Variants in BRWD3 observed in about 807,000 individuals in gnomAD.
BRWD3 encodes bromodomain and WD repeat-containing protein 3.
In BRWD3, 10 loss-of-function variants were observed where a neutral mutation model predicts 149.7. The observed-to-expected ratio is 0.07, with a 90% confidence interval of 0.04 to 0.11. The LOEUF (loss-of-function observed/expected upper bound fraction) is 0.11. Ranked by LOEUF, BRWD3 falls within the 10% of genes least tolerant of loss-of-function variation. The pLI, the probability that BRWD3 is intolerant of heterozygous loss-of-function variation, is 1.00. For synonymous variants in BRWD3, 504 were observed against 456.7 expected, an observed-to-expected ratio of 1.10 and a Z score of -1.32; for missense variants, 940 against 1,373.2, an observed-to-expected ratio of 0.68 and a Z score of 4.99.
intron 6 of BRWD3, among the ~76,000 whole-genome samples, chrX:80,762,970 G>A (rs989914083): frequency 2.7e-5 from 3 of 110,149 alleles, no homozygotes; most frequent in African/African-American, 9.9e-5. Flanking sequence ...TTAGCCTGGC[G>A]ACTCTAAGGA....
In BRWD3 at chrX:80,772,168, C is replaced by T. The variant is rs149886217; in HGVS notation, c.430+19686G>A. On this transcript the variant is annotated intron_variant, in intron 6 of 40. Transcript: ENST00000373275. ...ATGCTACTATAAAGACACACGCACA[C>T]GTATGTTTATTGCGGCACTATTCAC... Among the ~76,000 whole-genome samples, 29 of 111,878 alleles carry T rather than the reference C, an allele frequency of 2.6e-4. No individual in the cohort carries two copies. The East Asian group carries it at 6.5e-3, about 25-fold the overall frequency.
At chrX:80,771,119 G>C (rs2073939021) in intron 6 of BRWD3, among the ~76,000 whole-genome samples, 1 of 111,455 alleles carries the variant, frequency 9.0e-6, no homozygotes, top group Non-Finnish European at 1.9e-5. Flanking sequence ...ACAAATGAAA[G>C]AACATTCCAT....
chrX:80,804,244 C>CT lies in BRWD3; in HGVS notation c.180+4294dup, dbSNP rs558904504. The stretch of plus-strand genomic sequence containing the variant: ...AACACATTTATAACTTTGGTTCAGT[C>CT]TTTTTTTTTTTTTTTGAGACAGAGT... On this transcript the variant is annotated intron_variant, in intron 4 of 40. Transcript: ENST00000373275. Among the ~76,000 whole-genome samples the CT allele has an allele frequency of 2.5e-3, 251 of 99,974 alleles. 2 individuals are homozygous for CT. In the East Asian group the frequency reaches 0.034, roughly 14 times the overall value. 86.8% of individuals were successfully genotyped at this position (99,974 alleles called of 115,157 possible). A position where few individuals can be genotyped will look rare whatever the true frequency, so the allele number is the denominator to read the frequency against.
rs202083349 is a variant in BRWD3 at position 80,733,437 on chromosome X, A to G, written c.1127+19T>C. 115 of 1,161,695 alleles carry G rather than the reference A, an allele frequency of 9.9e-5. No homozygotes were observed. Among genetic ancestry groups the G allele is most frequent in the Non-Finnish European group, 9.0e-5 (77 of 853,505 alleles). Reference sequence around the variant, plus strand: ...ATATATCAAACATTTGTTTACACAAATATGTATTACATAATTACCTGTCTC... The same window carrying G: ...ATATATCAAACATTTGTTTACACAAGTATGTATTACATAATTACCTGTCTC... On this transcript the variant is annotated intron_variant, in intron 12 of 40. Coordinates refer to ENST00000373275, the MANE Select transcript of BRWD3 (RefSeq NM_153252.5).
intron 6 of BRWD3, among the ~76,000 whole-genome samples, chrX:80,747,990 T>C (rs140516738): frequency 3.3e-3 from 372 of 111,333 alleles, no homozygotes; most frequent in African/African-American, 0.011. Context: ...CTGTGCTACA[T>C]TGAATATAAG....
intron 4 of BRWD3, among the ~76,000 whole-genome samples, chrX:80,797,148 C>A (rs911867839): frequency 8.9e-6 from 1 of 111,917 alleles, no homozygotes; most frequent in African/African-American, 3.2e-5. Flanking sequence ...TAATTAGTAC[C>A]CTTAAAATAT....
intron 16 of BRWD3, 108 bp from the exon 17 acceptor site, chrX:80,722,895 T>C (rs775196558): frequency 1.8e-4 from 124 of 681,073 alleles, no homozygotes; most frequent in Non-Finnish European, 2.7e-4. Context: ...ATCTTTTGCA[T>C]ACTCTTCTAG....
rs1450366431 is a variant in BRWD3, at chrX:80,671,332, C to CA, written c.*5276dup. 9.0e-6 allele frequency: 1 copy of CA among 111,443 alleles called. No individual in the cohort carries two copies. Among genetic ancestry groups the CA allele is most frequent in the East Asian group, 2.8e-4 (1 of 3,574 alleles). 9.2% of individuals were successfully genotyped at this position (111,443 alleles called of 1,213,427 possible). ...ATATTTGCAATGTCTAAGATGAAAA[C>CA]AAAAAACAAAACCTTTTCTTTGATA... On this transcript the variant is annotated 3_prime_UTR_variant, in exon 41 of 41. Transcript: ENST00000373275.
At chrX:80,753,195 T>C (rs1220421748) in intron 6 of BRWD3, among the ~76,000 whole-genome samples, 3 of 111,221 alleles carry the variant, frequency 2.7e-5, no homozygotes, top group African/African-American at 9.8e-5. Flanking sequence ...TCTTTTGTTG[T>C]GCATAAGCTT....
chrX:80,808,991 C>T lies in BRWD3; in HGVS notation c.120+22G>A, dbSNP rs375347676. Reference sequence around the variant, plus strand: ...CCAGTCTCACCTCAACCCTCCCCACCCTTCCCGAAGGGGCTCCGTACCTGA... The same window carrying T: ...CCAGTCTCACCTCAACCCTCCCCACTCTTCCCGAAGGGGCTCCGTACCTGA... On this transcript the variant is annotated intron_variant, in intron 3 of 40. Coordinates refer to ENST00000373275, the MANE Select transcript of BRWD3 (RefSeq NM_153252.5). 6.8e-5 allele frequency: 81 copies of T among 1,193,609 alleles called. No individual in the cohort carries two copies. In the African/African-American group the frequency reaches 1.1e-3, roughly 16 times the overall value.
intron 39 of BRWD3, 40 bp from the exon 40 acceptor site, chrX:80,681,539 T>A (rs1369458001): frequency 1.8e-5 from 20 of 1,103,733 alleles, no homozygotes; most frequent in Non-Finnish European, 2.1e-5. Flanking sequence ...ATAATTATCA[T>A]GTTTTCAGGA....
Position 80,689,809 on chromosome X carries a change from T to G in BRWD3, c.3766A>C (p.Lys1256Gln). 7 of 1,202,858 alleles carry G rather than the reference T, an allele frequency of 5.8e-6. No individual in the cohort carries two copies. The highest frequency in any genetic ancestry group is 1.7e-5 in the African/African-American group (1 of 57,698). The change falls in exon 33 of 41, where the codon AAA (lysine) becomes CAA (glutamine). Residue 1256 changes from lysine to glutamine, a missense_variant. Lys to Gln is a moderately conservative substitution (Grantham distance 53, BLOSUM62 1). Coordinates refer to ENST00000373275, the MANE Select transcript of BRWD3 (RefSeq NM_153252.5). ...SCTDILDTYNKIKAEERNSTD... is the reference protein window; with the variant it reads ...SCTDILDTYNQIKAEERNSTD... ...CTGTTTCGTTCTTCTGCTTTAATTT[T>G]ATTATAAGTATCCAGTATATCAGTA...
intron 6 of BRWD3, among the ~76,000 whole-genome samples, chrX:80,784,847 A>G: frequency 8.9e-6 from 1 of 111,876 alleles, no homozygotes; most frequent in Middle Eastern, 4.6e-3. Flanking sequence ...CAATAAACAT[A>G]TGTGTGCCTG....
intron 4 of BRWD3, among the ~76,000 whole-genome samples, chrX:80,803,931 G>A (rs1237185184): frequency 1.8e-5 from 2 of 112,394 alleles, no homozygotes; most frequent in African/African-American, 3.2e-5. Flanking sequence ...AAAGTACTTG[G>A]TGAGGATCAA....
chrX:80,759,116 T>C (rs986652071), intron 6 of BRWD3, among the ~76,000 whole-genome samples: 4 of 111,848 alleles, frequency 3.6e-5, no homozygotes, highest in Non-Finnish European at 7.5e-5. Flanking sequence ...AAACTACACT[T>C]CTACGAATGA....
chrX:80,709,858 T>C (rs1245608130), intron 20 of BRWD3: 3 of 522,049 alleles, frequency 5.7e-6, no homozygotes, highest in Non-Finnish European at 9.7e-6. Context: ...CGCAGAGTAA[T>C]AGTTTAGGCA....
Position 80,809,714 on chromosome X carries a change from AGT to A in BRWD3, c.-245_-244del. On this transcript the variant is annotated 5_prime_UTR_variant, in exon 1 of 41. Transcript: ENST00000373275. ...GAGAGGGAGAGGGAGAGAGAGAGTG[AGT>A]GAGTGAGAGAGAGAGAGAGAAGAGA... 6.9e-6 allele frequency: 2 copies of A among 290,451 alleles called. No individual in the cohort carries two copies. The highest frequency in any genetic ancestry group is 1.2e-5 in the Non-Finnish European group (2 of 163,529). The allele number at this position is 290,451 out of a possible 1,213,427, so 23.9% of individuals were successfully genotyped here. A position where few individuals can be genotyped will look rare whatever the true frequency, so the allele number is the denominator to read the frequency against.
At chrX:80,691,011 A>G in intron 31 of BRWD3, 42 bp downstream of exon 31, 1 of 1,187,804 alleles carries the variant, frequency 8.4e-7, no homozygotes, top group Non-Finnish European at 1.1e-6. Context: ...CAAAAGCCAT[A>G]AAGCTATAAA....
intron 6 of BRWD3, among the ~76,000 whole-genome samples, chrX:80,757,814 A>G (rs757043866): frequency 1.7e-4 from 19 of 112,588 alleles, no homozygotes; most frequent in Non-Finnish European, 3.6e-4. Context: ...ACAGCCATCA[A>G]TGGACTTAGC....
Sources: allele counts gnomAD v4.1 joint callset (sites outside exome capture counted in the v4.1 genomes callset), GRCh38; gene constraint gnomAD v4.1.1; transcripts MANE v1.5; gene names NCBI Gene and HGNC (gene_info 2026-07-23, HGNC 2026-07-21).